CAMKMT: variants seen among roughly 807,000 people sequenced by gnomAD.
The protein encoded by CAMKMT is CaM KMT.
In CAMKMT, 53 loss-of-function variants were observed where a neutral mutation model predicts 48.0. The ratio of observed to expected loss-of-function variants is 1.10; its 90% CI spans 0.89 to 1.39. The LOEUF (loss-of-function observed/expected upper bound fraction) is 1.39, where lower values mean the gene tolerates loss of function less well. CAMKMT is among the 40% of genes most tolerant of loss of function. The pLI is 0.00. For missense variants in CAMKMT, 428 were observed against 402.7 expected (o/e 1.06, Z -0.54); for synonymous variants, 165 against 152.3 (o/e 1.08, Z -0.61).
chr2:44,428,596 T>C (rs1684433948), intron 3 of CAMKMT, among the ~76,000 whole-genome samples: 1 of 152,246 alleles, frequency 6.6e-6, no homozygotes, highest in African/African-American at 2.4e-5. Flanking sequence ...CTCCTGTCCA[T>C]ATCAATAGAT....
intron 3 of CAMKMT, among the ~76,000 whole-genome samples, chr2:44,574,360 G>T (rs370599790): frequency 2.0e-5 from 3 of 152,154 alleles, no homozygotes; most frequent in Non-Finnish European, 4.4e-5. Flanking sequence ...TGGGCTCTGG[G>T]TTATAGCTGC....
rs192560677 is a variant in CAMKMT at position 44,385,598 on chromosome 2, T to C, written c.312-4643T>C. Among the ~76,000 whole-genome samples, 547 of 152,274 alleles carry C rather than the reference T, an allele frequency of 3.6e-3. 3 individuals are homozygous for C. Among genetic ancestry groups the C allele is most frequent in the African/African-American group, 0.013 (528 of 41,574 alleles). On this transcript the variant is annotated intron_variant, in intron 2 of 10. Coordinates refer to ENST00000378494, the MANE Select transcript of CAMKMT (RefSeq NM_024766.5). ...CAGCTTTTCCCCATTCAGTATTATG[T>C]TGGCTGTGGGTTTATCATAGATGGC...
chr2:44,379,448 A>G (rs1429265155), intron 2 of CAMKMT, among the ~76,000 whole-genome samples: 2 of 152,150 alleles, frequency 1.3e-5, no homozygotes, highest in East Asian at 1.9e-4. Context: ...TTGCTGGGTC[A>G]TGTGGTATCT....
At chr2:44,494,484 CTG>C (rs1439044886) in intron 3 of CAMKMT, among the ~76,000 whole-genome samples, 1 of 152,086 alleles carries the variant, frequency 6.6e-6, no homozygotes, top group African/African-American at 2.4e-5. Context: ...AATTTTAAAA[CTG>C]TTGCTAAGGG....
At chr2:44,542,514 C>G (rs1164033476) in intron 3 of CAMKMT, among the ~76,000 whole-genome samples, 1 of 100,662 alleles carries the variant, frequency 9.9e-6, no homozygotes, top group Non-Finnish European at 2.5e-5. Context: ...CACACACACA[C>G]ACACACACAC....
chr2:44,444,534 A>G (rs1413782589), intron 3 of CAMKMT, among the ~76,000 whole-genome samples: 1 of 152,184 alleles, frequency 6.6e-6, no homozygotes, highest in Non-Finnish European at 1.5e-5. Context: ...CTTTTTGTCT[A>G]CTTTTGAACC....
chr2:44,538,009 A>G (rs1299095574), intron 3 of CAMKMT, among the ~76,000 whole-genome samples: 2 of 152,244 alleles, frequency 1.3e-5, no homozygotes, highest in African/African-American at 2.4e-5. Context: ...ACATGTGTTT[A>G]TAGCAGCACA....
intron 3 of CAMKMT, among the ~76,000 whole-genome samples, chr2:44,429,415 A>G (rs1349163254): frequency 6.6e-6 from 1 of 152,020 alleles, no homozygotes; most frequent in African/African-American, 2.4e-5. Context: ...AAATAGCCCT[A>G]GCTGGACCTG....
intron 3 of CAMKMT, among the ~76,000 whole-genome samples, chr2:44,626,685 C>G (rs1014805810): frequency 2.6e-5 from 4 of 152,054 alleles, no homozygotes; most frequent in African/African-American, 9.7e-5. Context: ...TTCATGAGAG[C>G]TTCACCCTCA....
At chr2:44,423,237 T>G (rs1189099228) in intron 3 of CAMKMT, among the ~76,000 whole-genome samples, 1 of 152,148 alleles carries the variant, frequency 6.6e-6, no homozygotes, top group Non-Finnish European at 1.5e-5. Flanking sequence ...TGCAGTGCAA[T>G]GGTGCGATCT....
chr2:44,614,875 G>A (rs1464377302), intron 3 of CAMKMT, among the ~76,000 whole-genome samples: 3 of 145,362 alleles, frequency 2.1e-5, no homozygotes, highest in African/African-American at 7.6e-5. Context: ...ACTGTCCCGT[G>A]CACCACCCAG....
chr2:44,576,307 A>G (rs1669214926), intron 3 of CAMKMT, among the ~76,000 whole-genome samples: 1 of 151,030 alleles, frequency 6.6e-6, no homozygotes, highest in Non-Finnish European at 1.5e-5. Context: ...CAGCTTGGGC[A>G]ACAAGAGTGA....
intron 3 of CAMKMT, among the ~76,000 whole-genome samples, chr2:44,579,589 G>A (rs911238935): frequency 3.9e-5 from 6 of 152,154 alleles, no homozygotes; most frequent in Admixed American, 6.6e-5. Context: ...AATCTCACTC[G>A]CATTACTGCC....
At chr2:44,607,628 T>C (rs1449609263) in intron 3 of CAMKMT, among the ~76,000 whole-genome samples, 1 of 152,238 alleles carries the variant, frequency 6.6e-6, no homozygotes, top group African/African-American at 2.4e-5. Context: ...TTATGTACCA[T>C]AATGAAAACC....
intron 3 of CAMKMT, among the ~76,000 whole-genome samples, chr2:44,427,934 G>C (rs1684387509): frequency 6.6e-6 from 1 of 152,208 alleles, no homozygotes; most frequent in Non-Finnish European, 1.5e-5. Flanking sequence ...AGGTGAGGGG[G>C]TGCAGTCTCT....
chr2:44,378,651 G>A (rs1480701280), intron 2 of CAMKMT, among the ~76,000 whole-genome samples: 3 of 152,022 alleles, frequency 2.0e-5, no homozygotes, highest in African/African-American at 4.8e-5. Flanking sequence ...GTGCCACCAC[G>A]CCCAGCTAAT....
chr2:44,446,197 C>T (rs939641378), intron 3 of CAMKMT, among the ~76,000 whole-genome samples: 3 of 152,048 alleles, frequency 2.0e-5, no homozygotes, highest in Non-Finnish European at 2.9e-5. Flanking sequence ...ATCGGCTCAC[C>T]TTGGCCTCCC....
intron 3 of CAMKMT, among the ~76,000 whole-genome samples, chr2:44,600,467 C>T (rs1461081174): frequency 6.6e-6 from 1 of 152,066 alleles, no homozygotes; most frequent in South Asian, 2.1e-4. Context: ...CAGGGTTTTG[C>T]CATGTTGCTA....
In CAMKMT at chr2:44,724,303, T is replaced by C. The variant is rs530379443; in HGVS notation, c.623+8950T>C. ...TCTCTTAAAAATTTTTTAAAAAGAA[T>C]ATTCTAAATGTAAATTCATACAGGT... On this transcript the variant is annotated intron_variant, in intron 7 of 10. Coordinates refer to ENST00000378494, the MANE Select transcript of CAMKMT (RefSeq NM_024766.5). 1.9e-4 allele frequency among the ~76,000 whole-genome samples: 29 copies of C among 152,292 alleles called. No homozygotes were observed. In the South Asian group the frequency reaches 4.1e-3, roughly 22 times the overall value.
Sources: gnomAD v4.1 joint callset for allele counts (sites outside exome capture counted in the v4.1 genomes callset) on GRCh38, gnomAD v4.1.1 for gene constraint, MANE v1.5 for transcripts, NCBI Gene and HGNC (gene_info 2026-07-23, HGNC 2026-07-21) for gene names.